The following ASPH variants were observed in gnomAD, a reference collection of about 807,000 sequenced individuals.
The protein encoded by ASPH is aspartyl/asparaginyl beta-hydroxylase.
In ASPH, 100 loss-of-function variants were observed where a neutral mutation model predicts 118.4. The ratio of observed to expected loss-of-function variants is 0.84; its 90% CI spans 0.72 to 1.00. The LOEUF (loss-of-function observed/expected upper bound fraction) is 1.00, where lower values mean the gene tolerates loss of function less well. ASPH is among the 50% of genes least tolerant of loss of function. ASPH has a pLI of 0.00. For synonymous variants in ASPH, 315 were observed against 325.6 expected (o/e 0.97, Z 0.35); for missense variants, 920 against 919.5 (o/e 1.00, Z -0.01).
At chr8:61,543,754 G>T (rs1448915648) in intron 21 of ASPH, among the ~76,000 whole-genome samples, 1 of 152,152 alleles carries the variant, frequency 6.6e-6, no homozygotes, top group African/African-American at 2.4e-5. Flanking sequence ...CTGGAAATCA[G>T]TTCGGTCCCT....
intron 1 of ASPH, among the ~76,000 whole-genome samples, chr8:61,708,280 C>T (rs11787089): frequency 0.15 from 23,468 of 152,146 alleles, 1,896 homozygotes; most frequent in South Asian, 0.3. Context: ...AAAGCAAATC[C>T]ATGAAACAAC....
At chr8:61,591,811 T>C (rs1454824614) in intron 14 of ASPH, among the ~76,000 whole-genome samples, 1 of 152,170 alleles carries the variant, frequency 6.6e-6, no homozygotes, top group African/African-American at 2.4e-5. Context: ...CATTTTGCTA[T>C]ATCTTTGGCA....
chr8:61,609,598 C>T (rs572250662), intron 14 of ASPH, among the ~76,000 whole-genome samples: 54 of 151,824 alleles, frequency 3.6e-4, no homozygotes, highest in Non-Finnish European at 7.2e-4. Flanking sequence ...AATAAAATCA[C>T]TCAAATTAAA....
chr8:61,687,062 G>A (rs182752038), intron 1 of ASPH, among the ~76,000 whole-genome samples: 10 of 151,930 alleles, frequency 6.6e-5, no homozygotes, highest in Admixed American at 2.0e-4. Flanking sequence ...TTATACTCCA[G>A]CCTGGGCAAC....
rs376027589 is a variant in ASPH, at chr8:61,642,923, G to GAA, written c.758-5_758-4dup. The GAA allele has an allele frequency of 2.2e-5, 30 of 1,375,548 alleles. No individual in the cohort carries two copies. Among genetic ancestry groups the GAA allele is most frequent in the South Asian group, 2.0e-4 (14 of 70,322 alleles). 85.2% of individuals were successfully genotyped at this position (1,375,548 alleles called of 1,614,324 possible). On this transcript the variant is annotated splice_region_variant and splice_polypyrimidine_tract_variant and intron_variant, in intron 9 of 24. Transcript: ENST00000379454. ...ATAGACTTGGTATGTTACATCATCT[G>GAA]AAAAAAAAAAGAGAATAAAAGCAAA... is the stretch of plus-strand genomic sequence containing the variant.
In ASPH at chr8:61,581,371, A is replaced by T. The variant is rs564687844; in HGVS notation, c.1062+2573T>A. 4.0e-4 allele frequency among the ~76,000 whole-genome samples: 61 copies of T among 152,346 alleles called. 1 individual carries two copies. In the Middle Eastern group the frequency reaches 0.027, roughly 68 times the overall value. On this transcript the variant is annotated intron_variant, in intron 15 of 24. Coordinates refer to ENST00000379454, the MANE Select transcript of ASPH (RefSeq NM_004318.4). ...TGATCTGTTCCTCAACATAGCTTAT[A>T]ATGTTCTCCTAGGACCAAGACAGTT... is the stretch of plus-strand genomic sequence containing the variant.
intron 14 of ASPH, among the ~76,000 whole-genome samples, chr8:61,605,948 T>C (rs1845448459): frequency 6.6e-6 from 1 of 152,246 alleles, no homozygotes; most frequent in Non-Finnish European, 1.5e-5. Flanking sequence ...GTAAGAGCAC[T>C]GTCAAGCTAT....
intron 24 of ASPH, among the ~76,000 whole-genome samples, chr8:61,510,408 A>T (rs756877186): frequency 5.3e-5 from 8 of 152,238 alleles, no homozygotes; most frequent in Non-Finnish European, 1.2e-4. Flanking sequence ...CTGCAGAAAC[A>T]TTACTATAAA....
rs192191053 is a variant in ASPH at position 61,689,330 on chromosome 8, T to A, written c.104-5142A>T. On this transcript the variant is annotated intron_variant, in intron 1 of 24. Coordinates refer to ENST00000379454, the MANE Select transcript of ASPH (RefSeq NM_004318.4). ...ATCTCCTATAATTTTATATAAAATC[T>A]AAATATAGATAATTCTTTAAATTCA... Among the ~76,000 whole-genome samples the A allele has an allele frequency of 1.7e-3, 257 of 152,210 alleles. 1 individual carries two copies. Among genetic ancestry groups the A allele is most frequent in the African/African-American group, 5.6e-3 (231 of 41,558 alleles).
At chr8:61,615,179 C>A (rs962907917) in intron 14 of ASPH, among the ~76,000 whole-genome samples, 2 of 152,154 alleles carry the variant, frequency 1.3e-5, no homozygotes, top group Admixed American at 1.3e-4. Flanking sequence ...TCTTTACCAG[C>A]AATCGCCTCC....
At chr8:61,676,206 T>C (rs753021499) in intron 3 of ASPH, 4 of 1,598,884 alleles carry the variant, frequency 2.5e-6, no homozygotes, top group Non-Finnish European at 3.4e-6. Context: ...GGAGTCATTA[T>C]ATCATAGAGA....
intron 13 of ASPH, among the ~76,000 whole-genome samples, chr8:61,619,402 A>T (rs1168639172): frequency 6.6e-6 from 1 of 152,222 alleles, no homozygotes; most frequent in Non-Finnish European, 1.5e-5. Flanking sequence ...TCTTAAAACC[A>T]GAAAACTACT....
intron 1 of ASPH, among the ~76,000 whole-genome samples, chr8:61,708,136 A>G (rs1176111260): frequency 6.6e-6 from 1 of 152,208 alleles, no homozygotes; most frequent in Non-Finnish European, 1.5e-5. Flanking sequence ...TGGTCAGTAC[A>G]TGGGCATCCA....
At chr8:61,663,432 G>A (rs1817935773) in intron 3 of ASPH, 2 of 985,266 alleles carry the variant, frequency 2.0e-6, no homozygotes. Context: ...CCTGCTGAGG[G>A]CCATCTTGGT....
intron 1 of ASPH, among the ~76,000 whole-genome samples, chr8:61,707,553 T>G (rs1022879944): frequency 1.3e-5 from 2 of 152,226 alleles, no homozygotes; most frequent in African/African-American, 4.8e-5. Context: ...TAAAGTCTAA[T>G]GTGTGTACTT....
At chr8:61,518,891 C>T (rs1811905955) in intron 22 of ASPH, among the ~76,000 whole-genome samples, 1 of 152,168 alleles carries the variant, frequency 6.6e-6, no homozygotes, top group Non-Finnish European at 1.5e-5. Flanking sequence ...AGGTTTGCAG[C>T]ATTGCATTAA....
intron 12 of ASPH, among the ~76,000 whole-genome samples, chr8:61,637,160 C>T (rs1383264207): frequency 6.6e-6 from 1 of 152,090 alleles, no homozygotes; most frequent in East Asian, 1.9e-4. Context: ...CTTACATGCT[C>T]CCCCTGGCAA....
intron 21 of ASPH, among the ~76,000 whole-genome samples, chr8:61,544,707 G>T (rs964353447): frequency 6.6e-6 from 1 of 152,140 alleles, no homozygotes; most frequent in Non-Finnish European, 1.5e-5. Flanking sequence ...CTAGAGAAAA[G>T]AAAGTTTATA....
intron 1 of ASPH, among the ~76,000 whole-genome samples, chr8:61,695,234 C>G (rs988980527): frequency 1.3e-5 from 2 of 152,232 alleles, no homozygotes; most frequent in Non-Finnish European, 2.9e-5. Flanking sequence ...CTACTCCATA[C>G]AGCAGACAAA....
Sources: gnomAD v4.1 joint callset for allele counts (sites outside exome capture counted in the v4.1 genomes callset) on GRCh38, gnomAD v4.1.1 for gene constraint, MANE v1.5 for transcripts, NCBI Gene and HGNC (gene_info 2026-07-23, HGNC 2026-07-21) for gene names.